The following NEK10 variants were observed in gnomAD, a reference collection of about 807,000 sequenced individuals.
NEK10 encodes NIMA related kinase 10, also known as serine/threonine-protein kinase Nek10.
In NEK10, 122 loss-of-function variants were observed where a neutral mutation model predicts 159.8. That is an observed-to-expected ratio of 0.76 (90% CI 0.66 to 0.89). The LOEUF (loss-of-function observed/expected upper bound fraction) is 0.89, where lower values mean the gene tolerates loss of function less well. NEK10 is among the 40% of genes least tolerant of loss of function. NEK10 has a pLI of 0.00. For missense variants in NEK10, 1,342 were observed against 1,323.1 expected, an observed-to-expected ratio of 1.01 and a Z score of -0.22; for synonymous variants, 466 against 457.1, an observed-to-expected ratio of 1.02 and a Z score of -0.25.
intron 31 of NEK10, among the ~76,000 whole-genome samples, chr3:27,134,615 G>C (rs1026474270): frequency 1.3e-5 from 2 of 152,136 alleles, no homozygotes; most frequent in Non-Finnish European, 1.5e-5. Flanking sequence ...AGTTAAGTTA[G>C]AATTGTTTTT....
intron 31 of NEK10, among the ~76,000 whole-genome samples, chr3:27,137,308 TTTACTC>T (rs1943323420): frequency 6.6e-6 from 1 of 152,204 alleles, no homozygotes; most frequent in Non-Finnish European, 1.5e-5. Flanking sequence ...TTATAATAGT[TTTACTC>T]TTGCTTTAAA....
intron 22 of NEK10, among the ~76,000 whole-genome samples, chr3:27,270,955 C>T (rs556066695): frequency 6.6e-6 from 1 of 152,046 alleles, no homozygotes; most frequent in East Asian, 1.9e-4. Context: ...TCTGAAATTA[C>T]TTTATGTATT....
At position 27,246,425 on chromosome 3, in the gene NEK10, C is replaced by T. The variant is rs375491640; in HGVS notation, c.2090+9871G>A. ...TTTAAATTTTTTATTTTTAACTTTACTTGTAAATATATAGTAGGTGTATAT... is the reference window on the plus strand; with the variant it reads ...TTTAAATTTTTTATTTTTAACTTTATTTGTAAATATATAGTAGGTGTATAT... On this transcript the variant is annotated intron_variant, in intron 23 of 35. Transcript: ENST00000691995. Among the ~76,000 whole-genome samples the T allele has an allele frequency of 7.9e-4, 120 of 152,064 alleles. 2 individuals are homozygous for T. The South Asian group carries it at 0.024, about 31-fold the overall frequency.
rs373766356 is a variant in NEK10, at chr3:27,128,196, CCAA to C, written c.3081+3681_3081+3683del. Among the ~76,000 whole-genome samples the C allele has an allele frequency of 4.1e-3, 629 of 152,284 alleles. 3 individuals are homozygous for C. Among genetic ancestry groups the C allele is most frequent in the African/African-American group, 0.014 (597 of 41,562 alleles). ...TTAAGTGAACCTCTGCAGTTGCGTT[CCAA>C]CAACACTTTATTTACAAACACAGGC... On this transcript the variant is annotated intron_variant, in intron 32 of 35. Coordinates refer to ENST00000691995, the MANE Select transcript of NEK10 (RefSeq NM_001394966.1).
chr3:27,252,176 G>C (rs770039464), intron 23 of NEK10: 4 of 495,000 alleles, frequency 8.1e-6, no homozygotes, highest in Non-Finnish European at 1.6e-5. Flanking sequence ...GTAGTGGAGA[G>C]ACACACTATA....
At chr3:27,199,595 A>G (rs1227556980) in intron 25 of NEK10, among the ~76,000 whole-genome samples, 2 of 152,192 alleles carry the variant, frequency 1.3e-5, no homozygotes, top group African/African-American at 4.8e-5. Context: ...CAACCCAGCA[A>G]TCCCATTACT....
intron 30 of NEK10, among the ~76,000 whole-genome samples, chr3:27,149,592 A>AACT (rs1247515119): frequency 5.3e-5 from 8 of 152,168 alleles, no homozygotes; most frequent in Non-Finnish European, 7.3e-5. Context: ...CTGCACTCAT[A>AACT]TAAGATAGTA....
chr3:27,192,191 C>G lies in NEK10; in HGVS notation c.2343G>C (p.Ser781=), dbSNP rs775526801. Reference sequence around the variant, plus strand: ...ATTTCATCATGACATCTGATATCATCGAACTGACTTCTACAATATCTGGAC... The same window carrying G: ...ATTTCATCATGACATCTGATATCATGGAACTGACTTCTACAATATCTGGAC... The part of the protein sequence containing the change: ...EARPDIVEVS[S]MISDVMMKYL... The change falls in exon 26 of 36, where the codon TCG becomes TCC. Residue 781 remains serine, a synonymous_variant. Coordinates refer to ENST00000691995, the MANE Select transcript of NEK10 (RefSeq NM_001394966.1). 1.2e-6 allele frequency: 2 copies of G among 1,614,018 alleles called. No individual in the cohort carries two copies. Among genetic ancestry groups the G allele is most frequent in the African/African-American group, 2.7e-5 (2 of 74,912 alleles).
intron 31 of NEK10, among the ~76,000 whole-genome samples, chr3:27,136,391 C>T (rs866809607): frequency 6.6e-6 from 1 of 152,014 alleles, no homozygotes; most frequent in African/African-American, 2.4e-5. Flanking sequence ...GGATTACAGG[C>T]GTGAGCCACC....
intron 22 of NEK10, among the ~76,000 whole-genome samples, chr3:27,264,153 A>G (rs2040674634): frequency 6.6e-6 from 1 of 152,208 alleles, no homozygotes; most frequent in Admixed American, 6.5e-5. Flanking sequence ...CCCAAATCTC[A>G]CCAAGACACT....
chr3:27,258,326 C>T (rs1386133939), intron 22 of NEK10, among the ~76,000 whole-genome samples: 6 of 151,582 alleles, frequency 4.0e-5, no homozygotes, highest in Non-Finnish European at 5.9e-5. Flanking sequence ...CCCAGTAACT[C>T]GTCATTTAAC....
intron 22 of NEK10, among the ~76,000 whole-genome samples, chr3:27,263,973 T>A (rs909164469): frequency 3.9e-5 from 6 of 152,222 alleles, no homozygotes; most frequent in Non-Finnish European, 1.5e-5. Context: ...TATATATAAA[T>A]ACATGTAGTA....
intron 23 of NEK10, among the ~76,000 whole-genome samples, chr3:27,218,791 C>T (rs2149139237): frequency 7.0e-6 from 1 of 143,660 alleles, no homozygotes; most frequent in East Asian, 2.0e-4. Flanking sequence ...GAGCATTTGA[C>T]GAAGTCCAAC....
intron 7 of NEK10, among the ~76,000 whole-genome samples, chr3:27,313,799 G>GC (rs2044914112): frequency 1.3e-5 from 2 of 151,916 alleles, no homozygotes; most frequent in Non-Finnish European, 2.9e-5. Flanking sequence ...TGCAACCTCC[G>GC]CCCCCCAGGT....
chr3:27,214,816 TTCCG>T (rs1173969700), intron 23 of NEK10: 1 of 1,080,846 alleles, frequency 9.3e-7, no homozygotes, highest in Admixed American at 1.7e-5. Context: ...TTGACATATT[TTCCG>T]TGTAGAAGAT....
chr3:27,247,385 T>C (rs1292872923), intron 23 of NEK10, among the ~76,000 whole-genome samples: 1 of 152,188 alleles, frequency 6.6e-6, no homozygotes, highest in African/African-American at 2.4e-5. Context: ...GAAATGATCA[T>C]ATAGTTGTTG....
At chr3:27,172,139 C>T (rs771802400) in intron 28 of NEK10, among the ~76,000 whole-genome samples, 7 of 151,712 alleles carry the variant, frequency 4.6e-5, no homozygotes, top group Non-Finnish European at 8.8e-5. Context: ...GAGAGCGAGA[C>T]CTTCCTGGCC....
chr3:27,310,145 T>C (rs2044574620), intron 9 of NEK10: 1 of 152,212 alleles, frequency 6.6e-6, no homozygotes, highest in South Asian at 2.1e-4. Context: ...TTATCTTTAT[T>C]TGTCTGATCC....
intron 23 of NEK10, among the ~76,000 whole-genome samples, chr3:27,230,587 G>C (rs62256313): frequency 0.26 from 39,435 of 151,760 alleles, 5,263 homozygotes; most frequent in Middle Eastern, 0.38. Flanking sequence ...AGAATGGATA[G>C]AAAACAACCA....
Sources: allele counts gnomAD v4.1 joint callset (sites outside exome capture counted in the v4.1 genomes callset), GRCh38; gene constraint gnomAD v4.1.1; transcripts MANE v1.5; gene names NCBI Gene and HGNC (gene_info 2026-07-23, HGNC 2026-07-21).